The following ZDHHC3 variants were observed in gnomAD, a reference collection of about 807,000 sequenced individuals.
ZDHHC3 encodes the protein zDHHC palmitoyltransferase 3.
ZDHHC3 carries 9 observed loss-of-function variants against 30.6 expected under a neutral mutation model. The observed-to-expected ratio is 0.29, with a 90% confidence interval of 0.18 to 0.51. The LOEUF (loss-of-function observed/expected upper bound fraction) is 0.51. Ranked by LOEUF, ZDHHC3 falls within the 20% of genes least tolerant of loss-of-function variation. ZDHHC3 has a pLI of 0.97. For synonymous variants in ZDHHC3, 136 were observed against 140.2 expected (o/e 0.97, Z 0.21); for missense variants, 246 against 384.2 (o/e 0.64, Z 3.01).
At position 44,925,324 on chromosome 3, in the gene ZDHHC3, AC is replaced by A. The variant is rs1451132833; in HGVS notation, c.*1364del. ...CAGGATTGAATAAACCTTAACTCCT[AC>A]CCCCACCCCAAGCAAAAGCTAAAAA... On this transcript the variant is annotated 3_prime_UTR_variant, in exon 7 of 7. Transcript: ENST00000424952. 3.0e-6 allele frequency: 3 copies of A among 985,728 alleles called. No individual in the cohort carries two copies. The highest frequency in any genetic ancestry group is 1.7e-5 in the African/African-American group (1 of 57,236). 61.1% of individuals were successfully genotyped at this position (985,728 alleles called of 1,614,324 possible).
intron 1 of ZDHHC3, among the ~76,000 whole-genome samples, chr3:44,974,319 A>T (rs1705689412): frequency 6.6e-6 from 1 of 152,202 alleles, no homozygotes; most frequent in African/African-American, 2.4e-5. Context: ...ATCTTTATAT[A>T]AAGATAACTC....
Position 44,919,629 on chromosome 3 carries a change from G to C in ZDHHC3, c.*7060C>G, listed in dbSNP as rs139072131. 3.3e-3 allele frequency among the ~76,000 whole-genome samples: 506 copies of C among 152,344 alleles called. No homozygotes were observed. The highest frequency in any genetic ancestry group is 0.011 in the African/African-American group (478 of 41,590). On this transcript the variant is annotated 3_prime_UTR_variant, in exon 7 of 7. Transcript: ENST00000424952. ...GGAGACATCGCAAATGATGCAGTGT[G>C]GGATCCTGGAACAGAAAAGGGTGTT... is the stretch of plus-strand genomic sequence containing the variant.
At position 44,956,767 on chromosome 3, in the gene ZDHHC3, C is replaced by CGGTA. The variant is rs1559706892; in HGVS notation, c.306+2363_306+2364insTACC. 2.9e-4 allele frequency among the ~76,000 whole-genome samples: 44 copies of CGGTA among 152,248 alleles called. No individual in the cohort carries two copies. The East Asian group carries it at 8.2e-3, about 28-fold the overall frequency. ...CGGACCACTGCAATACCTCTAGTCC[C>CGGTA]CCTGCTTCTACTTGTAACACCTTGA... is the stretch of plus-strand genomic sequence containing the variant. On this transcript the variant is annotated intron_variant, in intron 2 of 6. Transcript: ENST00000424952.
At chr3:44,962,048 G>C (rs922312162) in intron 1 of ZDHHC3, among the ~76,000 whole-genome samples, 1 of 152,216 alleles carries the variant, frequency 6.6e-6, no homozygotes, top group African/African-American at 2.4e-5. Flanking sequence ...GTGTGATGGA[G>C]ATCGTCAGTT....
At chr3:44,948,903 G>A (rs533796724) in intron 2 of ZDHHC3, among the ~76,000 whole-genome samples, 10 of 152,220 alleles carry the variant, frequency 6.6e-5, no homozygotes, top group African/African-American at 2.2e-4. Context: ...GAGCAATGAC[G>A]TGCTTCCCCA....
chr3:44,959,386 T>C lies in ZDHHC3; in HGVS notation c.51A>G (p.Glu17=), dbSNP rs143031574. ...HHFRNIERKP[E]YLQPEKCVPP... is the part of the protein sequence containing the mutation. ...GGACACACTTCTCTGGCTGGAGGTA[T>C]TCTGGTTTCCGCTCAATGTTTCGGA... The change falls in exon 2 of 7, where the codon GAA becomes GAG. Residue 17 remains glutamate, a synonymous_variant. Coordinates refer to ENST00000424952, the MANE Select transcript of ZDHHC3 (RefSeq NM_001135179.2). The surrounding 1 kb of genome is among the most constrained non-coding windows in gnomAD (Gnocchi z 4.3). 117 of 1,614,224 alleles carry C rather than the reference T, an allele frequency of 7.2e-5. No homozygotes were observed. In the African/African-American group the frequency reaches 1.3e-3, roughly 18 times the overall value.
At chr3:44,961,687 C>T (rs1704494006) in intron 1 of ZDHHC3, among the ~76,000 whole-genome samples, 1 of 152,224 alleles carries the variant, frequency 6.6e-6, no homozygotes, top group Admixed American at 6.5e-5. Context: ...TGACATCACA[C>T]AATGATTCAA....
rs1025555099 is a variant in ZDHHC3 at position 44,921,182 on chromosome 3, A to C, written c.*5507T>G. On this transcript the variant is annotated 3_prime_UTR_variant, in exon 7 of 7. Transcript: ENST00000424952. ...ACACATGAGCTGTGATCTGTGAACA[A>C]ACTCACCAACACTCCAAAATGAATG... 9.1e-6 allele frequency: 9 copies of C among 985,164 alleles called. No homozygotes were observed. In the African/African-American group the frequency reaches 1.6e-4, roughly 17 times the overall value. The allele number at this position is 985,164 out of a possible 1,614,324, so 61.0% of individuals were successfully genotyped here. A position where few individuals can be genotyped will look rare whatever the true frequency, so the allele number is the denominator to read the frequency against.
At chr3:44,938,595 A>G (rs1702179952) in intron 3 of ZDHHC3, 1 of 152,348 alleles carries the variant, frequency 6.6e-6, no homozygotes, top group Non-Finnish European at 1.5e-5. Flanking sequence ...ACTAGCTTCT[A>G]TAACTAATTT....
chr3:44,937,927 C>T, intron 3 of ZDHHC3: 1 of 486,092 alleles, frequency 2.1e-6, no homozygotes. Context: ...ATCATCAAAG[C>T]CCTCAAGGAA....
At chr3:44,933,705 C>T (rs1002676047) in intron 4 of ZDHHC3, among the ~76,000 whole-genome samples, 183 bp downstream of exon 4, 1 of 152,188 alleles carries the variant, frequency 6.6e-6, no homozygotes, top group African/African-American at 2.4e-5. Flanking sequence ...TTTCTAAACG[C>T]TCAAGTGAAG....
At position 44,918,327 on chromosome 3, in the gene ZDHHC3, G is replaced by T. The variant is rs1700348041; in HGVS notation, c.*8362C>A. The T allele has an allele frequency of 5.1e-6, 5 of 985,246 alleles. No individual in the cohort carries two copies. The Admixed American group carries it at 3.1e-4, about 61-fold the overall frequency. 61.0% of individuals were successfully genotyped at this position (985,246 alleles called of 1,614,324 possible). A position where few individuals can be genotyped will look rare whatever the true frequency, so the allele number is the denominator to read the frequency against. ...GGTCACCCCCGGGAGGTCCCTCAGA[G>T]GACTGCTGGGGTGTGGGTGGACAGC... On this transcript the variant is annotated 3_prime_UTR_variant, in exon 7 of 7. Transcript: ENST00000424952.
At position 44,924,018 on chromosome 3, in the gene ZDHHC3, C is replaced by G; in HGVS notation, c.*2671G>C. On this transcript the variant is annotated 3_prime_UTR_variant, in exon 7 of 7. Transcript: ENST00000424952. The stretch of plus-strand genomic sequence containing the variant: ...CCTGACAGAGTTGACAGAAGGAAAG[C>G]AAGCTGGGGATCACAATCCAACAAG... The G allele has an allele frequency of 2.0e-6, 2 of 985,398 alleles. No individual in the cohort carries two copies. Among genetic ancestry groups the G allele is most frequent in the Middle Eastern group, 5.2e-4 (1 of 1,914 alleles). The allele number at this position is 985,398 out of a possible 1,614,324, so 61.0% of individuals were successfully genotyped here. A position where few individuals can be genotyped will look rare whatever the true frequency, so the allele number is the denominator to read the frequency against.
In ZDHHC3 at chr3:44,922,844, T is replaced by C. The variant is rs1202974356; in HGVS notation, c.*3845A>G. 1 of 985,188 alleles carries C rather than the reference T, an allele frequency of 1.0e-6. No individual in the cohort carries two copies. Among genetic ancestry groups the C allele is most frequent in the Non-Finnish European group, 1.2e-6 (1 of 829,918 alleles). 61.0% of individuals were successfully genotyped at this position (985,188 alleles called of 1,614,324 possible). A position where few individuals can be genotyped will look rare whatever the true frequency, so the allele number is the denominator to read the frequency against. On this transcript the variant is annotated 3_prime_UTR_variant, in exon 7 of 7. Transcript: ENST00000424952. ...CTGGTCTGGCAACCTCAAGAACACCTTTGAGGAGGATTCTAGCAAAATCTT... is the reference window on the plus strand; with the variant it reads ...CTGGTCTGGCAACCTCAAGAACACCCTTGAGGAGGATTCTAGCAAAATCTT...
chr3:44,959,267 T>C lies in ZDHHC3; in HGVS notation c.170A>G (p.Tyr57Cys), dbSNP rs370592102. 1.9e-6 allele frequency: 3 copies of C among 1,614,144 alleles called. No individual in the cohort carries two copies. Among genetic ancestry groups the C allele is most frequent in the East Asian group, 2.2e-5 (1 of 44,872 alleles). ...CAIVTWFLVL[Y>C]AEFVVLFVML... ...GACAAAGAGGACCACGAACTCCGCA[T>C]AGAGGACCAGAAACCAGGTAACGAT... The change falls in exon 2 of 7, where the codon TAT (tyrosine) becomes TGT (cysteine). Residue 57 changes from tyrosine (Y) to cysteine (C), a missense_variant. Tyr to Cys is a radical substitution (Grantham distance 194, BLOSUM62 -2). Coordinates refer to ENST00000424952, the MANE Select transcript of ZDHHC3 (RefSeq NM_001135179.2). The surrounding 1 kb of genome is among the most constrained non-coding windows in gnomAD (Gnocchi z 4.3).
At position 44,923,827 on chromosome 3, in the gene ZDHHC3, T is replaced by A; in HGVS notation, c.*2862A>T. 1 of 985,386 alleles carries A rather than the reference T, an allele frequency of 1.0e-6. No individual in the cohort carries two copies. The highest frequency in any genetic ancestry group is 1.2e-6 in the Non-Finnish European group (1 of 829,920). 61.0% of individuals were successfully genotyped at this position (985,386 alleles called of 1,614,324 possible). A position where few individuals can be genotyped will look rare whatever the true frequency, so the allele number is the denominator to read the frequency against. ...CAAACAAAAAAGAGGAAGTACAGTA[T>A]GAAGAAGACAAAATGGTGGGACTAA... On this transcript the variant is annotated 3_prime_UTR_variant, in exon 7 of 7. Coordinates refer to ENST00000424952, the MANE Select transcript of ZDHHC3 (RefSeq NM_001135179.2).
chr3:44,959,508 C>G lies in ZDHHC3; in HGVS notation c.-24-48G>C. The G allele has an allele frequency of 4.5e-6, 7 of 1,539,574 alleles. No homozygotes were observed. Among genetic ancestry groups the G allele is most frequent in the Non-Finnish European group, 5.3e-6 (6 of 1,138,482 alleles). On this transcript the variant is annotated intron_variant, in intron 1 of 6. Transcript: ENST00000424952. This position sits in a 1 kb window ranked among gnomAD's most constrained non-coding sequence, Gnocchi z 4.3. ...CAGAAACTTGGTGTTGTCTTGTCAT[C>G]AAGGAGGTTTGACAAAATTGCTCCC...
rs1700370150 is a variant in ZDHHC3 at position 44,918,557 on chromosome 3, C to A, written c.*8132G>T. On this transcript the variant is annotated 3_prime_UTR_variant, in exon 7 of 7. Coordinates refer to ENST00000424952, the MANE Select transcript of ZDHHC3 (RefSeq NM_001135179.2). ...GTGATCCCCTCCTAAATATTTTTGG[C>A]CACTCCCACCAGGGTAGATAGGGGC... The A allele has an allele frequency of 5.1e-6, 5 of 985,422 alleles. No homozygotes were observed. The highest frequency in any genetic ancestry group is 6.0e-6 in the Non-Finnish European group (5 of 829,928). The allele number at this position is 985,422 out of a possible 1,614,324, so 61.0% of individuals were successfully genotyped here.
intron 5 of ZDHHC3, among the ~76,000 whole-genome samples, chr3:44,931,916 A>T (rs1701525767): frequency 6.6e-6 from 1 of 152,174 alleles, no homozygotes; most frequent in African/African-American, 2.4e-5. Context: ...TGCACTGCTC[A>T]AAAAGCCCTT....
Sources: allele counts gnomAD v4.1 joint callset (sites outside exome capture counted in the v4.1 genomes callset), GRCh38; gene constraint gnomAD v4.1.1; non-coding constraint Gnocchi (gnomAD v3.1); transcripts MANE v1.5; gene names NCBI Gene and HGNC (gene_info 2026-07-23, HGNC 2026-07-21).